Variants in RELT observed in about 807,000 individuals in gnomAD.
RELT encodes tumor necrosis factor receptor superfamily member 19L.
RELT carries 37 observed loss-of-function variants against 51.1 expected under a neutral mutation model. The ratio of observed to expected loss-of-function variants is 0.72; its 90% CI spans 0.56 to 0.95. The LOEUF (loss-of-function observed/expected upper bound fraction) is 0.95. Ranked by LOEUF, RELT falls within the 40% of genes least tolerant of loss-of-function variation. The pLI, the probability that RELT is intolerant of heterozygous loss-of-function variation, is 0.00. For missense variants in RELT, 535 were observed against 572.6 expected (o/e 0.93, Z 0.67); for synonymous variants, 241 against 235.7 (o/e 1.02, Z -0.21).
intron 1 of RELT, among the ~76,000 whole-genome samples, chr11:73,382,793 G>A (rs908063555): frequency 2.6e-5 from 4 of 152,168 alleles, no homozygotes; most frequent in Non-Finnish European, 4.4e-5. Flanking sequence ...AGTGAGGAGG[G>A]TTAGGGAGCC....
At chr11:73,377,661 G>A (rs971169124) in intron 1 of RELT, among the ~76,000 whole-genome samples, 6 of 151,446 alleles carry the variant, frequency 4.0e-5, no homozygotes, top group East Asian at 2.0e-4. Flanking sequence ...CAGCGGACCC[G>A]GACACAATCT....
At position 73,390,905 on chromosome 11, in the gene RELT, G is replaced by A. The variant is rs1196397560; in HGVS notation, c.271G>A (p.Gly91Arg). The A allele has an allele frequency of 6.2e-7, 1 of 1,612,936 alleles. No individual in the cohort carries two copies. The highest frequency in any genetic ancestry group is 8.5e-7 in the Non-Finnish European group (1 of 1,179,742). The change falls in exon 4 of 11, where the codon GGA becomes AGA. Residue 91 changes from glycine to arginine, a missense_variant. By Grantham distance (125) the Gly-to-Arg change is moderately radical. Transcript: ENST00000064780. Reference protein sequence around the residue: ...VGMATRDTLCGDCWPGWFGPW... With the variant: ...VGMATRDTLCRDCWPGWFGPW... ...CATGGCAACTCGAGATACACTCTGT[G>A]GAGACTGCTGGCCTGGGTAAGCCAA...
At chr11:73,377,843 G>C (rs1159420977) in intron 1 of RELT, among the ~76,000 whole-genome samples, 1 of 152,128 alleles carries the variant, frequency 6.6e-6, no homozygotes, top group Non-Finnish European at 1.5e-5. Context: ...TGCAGTGGGG[G>C]GTGGGGGCAG....
At chr11:73,381,596 G>T (rs1174131481) in intron 1 of RELT, among the ~76,000 whole-genome samples, 1 of 152,216 alleles carries the variant, frequency 6.6e-6, no homozygotes, top group African/African-American at 2.4e-5. Context: ...GGGGATGCCT[G>T]GCCCAAGGCC....
intron 1 of RELT, among the ~76,000 whole-genome samples, chr11:73,384,058 A>T (rs2134442275): frequency 6.6e-6 from 1 of 152,134 alleles, no homozygotes; most frequent in South Asian, 2.1e-4. Context: ...ACTATCTGGG[A>T]AGCAGAGTAG....
In RELT at chr11:73,392,224, G is replaced by T. The variant is rs1266875668; in HGVS notation, c.381G>T (p.Arg127=). 6.2e-7 allele frequency: 1 copy of T among 1,611,168 alleles called. No individual in the cohort carries two copies. The highest frequency in any genetic ancestry group is 1.7e-5 in the Admixed American group (1 of 59,848). Residue 127 remains arginine, a synonymous_variant, in exon 6 of 11, where the codon CGG becomes CGT. Transcript: ENST00000064780. ...GTHGCDEWGR[R]ARRGVEVAAG... ...TGTGATGCTCAGAGTGGGGGCGGCGGGCCCGACGTGGCGTGGAGGTGGCAG... is the reference window on the plus strand; with the variant it reads ...TGTGATGCTCAGAGTGGGGGCGGCGTGCCCGACGTGGCGTGGAGGTGGCAG...
In RELT at chr11:73,395,140, T is replaced by A. The variant is rs141011672; in HGVS notation, c.1100T>A (p.Val367Glu). The change falls in exon 10 of 11, where the codon GTG (valine) becomes GAG (glutamate). Residue 367 changes from valine to glutamate, a missense_variant. Coordinates refer to ENST00000064780, the MANE Select transcript of RELT (RefSeq NM_152222.2). The stretch of plus-strand genomic sequence containing the variant: ...CGGACAAGTTCAATGGTGTCTGAGG[T>A]GAAGACCATCACGGAGGCTGGGCCC... Reference protein sequence around the residue: ...EQRTSSMVSEVKTITEAGPSW... With the variant: ...EQRTSSMVSEEKTITEAGPSW... 1.7e-3 allele frequency: 2,821 copies of A among 1,613,566 alleles called. 36 individuals are homozygous for A. In the African/African-American group the frequency reaches 0.032, roughly 18 times the overall value.
At chr11:73,387,386 C>T (rs1244467399) in intron 1 of RELT, among the ~76,000 whole-genome samples, 1 of 152,172 alleles carries the variant, frequency 6.6e-6, no homozygotes, top group Non-Finnish European at 1.5e-5. Flanking sequence ...GGGAGACAGG[C>T]TCGAGGTGGG....
rs531801637 is a variant in RELT at position 73,387,832 on chromosome 11, C to T, written c.-25-1280C>T. On this transcript the variant is annotated intron_variant, in intron 1 of 10. Coordinates refer to ENST00000064780, the MANE Select transcript of RELT (RefSeq NM_152222.2). ...ACAGGAGGCGCTTTTCTCACCTCAC[C>T]GGCCTTGGAGTCACAGCGGGGGCCT... Among the ~76,000 whole-genome samples, 13 of 152,318 alleles carry T rather than the reference C, an allele frequency of 8.5e-5. No individual in the cohort carries two copies. In the South Asian group the frequency reaches 2.5e-3, roughly 29 times the overall value.
In RELT at chr11:73,390,772, A is replaced by G. The variant is rs1866199433; in HGVS notation, c.138A>G (p.Thr46=). 6.2e-7 allele frequency: 1 copy of G among 1,608,718 alleles called. No homozygotes were observed. Among genetic ancestry groups the G allele is most frequent in the African/African-American group, 1.3e-5 (1 of 74,542 alleles). The stretch of plus-strand genomic sequence containing the variant: ...TCCCACAGGACCCAGGGCAGGGCAC[A>G]TTATGCAGGCCCTGCCCCCCAGGCA... ...EEPDLDPGQG[T]LCRPCPPGTF... The change falls in exon 4 of 11, where the codon ACA becomes ACG. Residue 46 remains threonine, a synonymous_variant. Transcript: ENST00000064780.
chr11:73,376,634 G>GGCCGCGCGCCCCCCCACCCCACTCCTCCC (rs1865970206), intron 1 of RELT, 135 bp downstream of exon 1: 7 of 151,882 alleles, frequency 4.6e-5, no homozygotes, highest in Non-Finnish European at 1.0e-4. Flanking sequence ...GCGGCAGCCC[G>GGCCGCGCGCCCCCCCACCCCACTCCTCCC]GCCGCGCGCC....
intron 1 of RELT, among the ~76,000 whole-genome samples, chr11:73,380,342 T>A (rs112423690): frequency 9.2e-5 from 14 of 152,256 alleles, no homozygotes; most frequent in African/African-American, 2.6e-4. Context: ...GGGCAAAGAC[T>A]CACGGCCACT....
chr11:73,377,854 G>C (rs1444385594), intron 1 of RELT, among the ~76,000 whole-genome samples: 1 of 152,104 alleles, frequency 6.6e-6, no homozygotes, highest in African/African-American at 2.4e-5. Flanking sequence ...GTGGGGGCAG[G>C]CTTCTCCTGG....
At position 73,395,121 on chromosome 11, in the gene RELT, A is replaced by G. The variant is rs762373621; in HGVS notation, c.1081A>G (p.Ser361Gly). Residue 361 changes from serine to glycine, a missense_variant, in exon 10 of 11, where the codon AGT (serine) becomes GGT (glycine). Coordinates refer to ENST00000064780, the MANE Select transcript of RELT (RefSeq NM_152222.2). The stretch of plus-strand genomic sequence containing the variant: ...GGCTCGAATTCCTGAGCAGCGGACA[A>G]GTTCAATGGTGTCTGAGGTGAAGAC... ...RVARIPEQRT[S>G]SMVSEVKTIT... The G allele has an allele frequency of 6.2e-7, 1 of 1,613,648 alleles. No homozygotes were observed. Among genetic ancestry groups the G allele is most frequent in the Non-Finnish European group, 8.5e-7 (1 of 1,180,000 alleles).
chr11:73,392,150 C>G, intron 5 of RELT, 61 bp from the exon 6 acceptor site: 1 of 1,565,196 alleles, frequency 6.4e-7, no homozygotes, highest in Non-Finnish European at 8.7e-7. Flanking sequence ...CCCTGGGCCC[C>G]TGTCTCTCTG....
Position 73,390,531 on chromosome 11 carries a change from A to G in RELT, c.46-20A>G. On this transcript the variant is annotated intron_variant, in intron 2 of 10. Coordinates refer to ENST00000064780, the MANE Select transcript of RELT (RefSeq NM_152222.2). ...ACACCCAGCACTTTCTGCCTCTTTCAATGCCTACTGTTCTTCTAGCTGCTG... is the reference window on the plus strand; with the variant it reads ...ACACCCAGCACTTTCTGCCTCTTTCGATGCCTACTGTTCTTCTAGCTGCTG... 1 of 1,612,274 alleles carries G rather than the reference A, an allele frequency of 6.2e-7. No homozygotes were observed. The highest frequency in any genetic ancestry group is 8.5e-7 in the Non-Finnish European group (1 of 1,178,372).
In RELT at chr11:73,394,023, C is replaced by G. The variant is rs1590738926; in HGVS notation, c.706+106C>G. On this transcript the variant is annotated intron_variant, in intron 7 of 10. Transcript: ENST00000064780. The surrounding 1 kb of genome is among the most constrained non-coding windows in gnomAD (Gnocchi z 4.9). ...CAGAGTCTTGCCCTGCTCTGCCTTCCCTGCCAGGGTGCCTCAAGCAGCCTG... is the reference window on the plus strand; with the variant it reads ...CAGAGTCTTGCCCTGCTCTGCCTTCGCTGCCAGGGTGCCTCAAGCAGCCTG... 1.7e-6 allele frequency: 2 copies of G among 1,208,980 alleles called. No homozygotes were observed. Among genetic ancestry groups the G allele is most frequent in the African/African-American group, 3.0e-5 (2 of 66,738 alleles). The allele number at this position is 1,208,980 out of a possible 1,614,324, so 74.9% of individuals were successfully genotyped here.
intron 1 of RELT, among the ~76,000 whole-genome samples, chr11:73,387,477 G>A (rs1036963800): frequency 3.3e-5 from 5 of 152,248 alleles, no homozygotes; most frequent in African/African-American, 1.2e-4. Context: ...AGGAGTGACA[G>A]GGGACCCTCC....
At chr11:73,390,013 G>A (rs1384982189) in intron 2 of RELT, among the ~76,000 whole-genome samples, 1 of 152,190 alleles carries the variant, frequency 6.6e-6, no homozygotes, top group African/African-American at 2.4e-5. Flanking sequence ...TTGGGTGTGT[G>A]GGTGTGAATG....
Sources: gnomAD v4.1 joint callset for allele counts (sites outside exome capture counted in the v4.1 genomes callset) on GRCh38, gnomAD v4.1.1 for gene constraint, Gnocchi (gnomAD v3.1) non-coding constraint, MANE v1.5 for transcripts, NCBI Gene and HGNC (gene_info 2026-07-23, HGNC 2026-07-21) for gene names.